C10orf90: variants seen among roughly 807,000 people sequenced by gnomAD.
The protein encoded by C10orf90 is (E2-independent) E3 ubiquitin-conjugating enzyme FATS.
Under a neutral mutation model 62.5 loss-of-function variants are expected in C10orf90, and 56 were observed. The ratio of observed to expected loss-of-function variants is 0.90; its 90% confidence interval spans 0.72 to 1.12. C10orf90 has a LOEUF of 1.12. C10orf90 is among the 50% of genes most tolerant of loss of function. C10orf90 has a pLI of 0.00. For synonymous variants in C10orf90, 386 were observed against 340.4 expected, an observed-to-expected ratio of 1.13 and a Z score of -1.47; for missense variants, 970 against 880.4, an observed-to-expected ratio of 1.10 and a Z score of -1.29.
At chr10:126,447,336 T>C (rs1232342842) in intron 7 of C10orf90, among the ~76,000 whole-genome samples, 2 of 150,946 alleles carry the variant, frequency 1.3e-5, no homozygotes, top group Admixed American at 6.6e-5. Context: ...AGTGAAGGGA[T>C]AGAAAGGATA....
At chr10:126,565,320 ATTATATATTTATAT>A (rs1844342957) in intron 2 of C10orf90, among the ~76,000 whole-genome samples, 1 of 59,504 alleles carries the variant, frequency 1.7e-5, no homozygotes, top group Non-Finnish European at 2.8e-5. Context: ...TATTATATAT[ATTATATATTTATAT>A]TATATATAAT....
chr10:126,494,647 G>A (rs903552620), intron 4 of C10orf90, among the ~76,000 whole-genome samples: 1 of 152,174 alleles, frequency 6.6e-6, no homozygotes, highest in Non-Finnish European at 1.5e-5. Context: ...GCCATGATGC[G>A]GTCCTTGCAT....
At chr10:126,462,271 A>G (rs771623844) in intron 5 of C10orf90, among the ~76,000 whole-genome samples, 2 of 152,018 alleles carry the variant, frequency 1.3e-5, no homozygotes, top group Non-Finnish European at 2.9e-5. Flanking sequence ...CACCCCTCCC[A>G]TATGAGCCCC....
intron 2 of C10orf90, among the ~76,000 whole-genome samples, chr10:126,595,645 T>G (rs1251193497): frequency 6.6e-6 from 1 of 152,116 alleles, no homozygotes; most frequent in Admixed American, 6.5e-5. Flanking sequence ...AACTACAACC[T>G]TCTCTGGGCC....
At chr10:126,638,519 C>T (rs1845998063) in intron 2 of C10orf90, among the ~76,000 whole-genome samples, 2 of 152,084 alleles carry the variant, frequency 1.3e-5, no homozygotes, top group Non-Finnish European at 2.9e-5. Context: ...CCCTGGGTCC[C>T]AGCTGGTCTC....
In C10orf90 at chr10:126,504,746, G is replaced by A. The variant is rs369514443; in HGVS notation, c.745C>T (p.Arg249Cys). 1.3e-5 allele frequency: 21 copies of A among 1,593,710 alleles called. No individual in the cohort carries two copies. Among genetic ancestry groups the A allele is most frequent in the Non-Finnish European group, 1.4e-5 (16 of 1,169,292 alleles). ...ITARRVGPPA[R>C]ALVWGTAGDS... ...CCAGCAGTCCCCCACACCAGGGCGCGGGCTGGGGGGCCCACGCGTCTGGCC... is the reference window on the plus strand; with the variant it reads ...CCAGCAGTCCCCCACACCAGGGCGCAGGCTGGGGGGCCCACGCGTCTGGCC... Residue 249 changes from arginine (R) to cysteine (C), a missense_variant, in exon 4 of 10, where the codon CGC becomes TGC. Arg to Cys is a radical substitution (Grantham distance 180). Transcript: ENST00000488181. The surrounding 1 kb of genome is among the most constrained non-coding windows in gnomAD (Gnocchi z 4.1).
intron 2 of C10orf90, among the ~76,000 whole-genome samples, chr10:126,581,626 C>T (rs912939994): frequency 6.6e-6 from 1 of 152,180 alleles, no homozygotes; most frequent in Non-Finnish European, 1.5e-5. Flanking sequence ...ATGTCTGGAG[C>T]CAAGCTGAAC....
rs80223609 is a variant in C10orf90, at chr10:126,637,478, T to C, written c.313+9087A>G. Among the ~76,000 whole-genome samples, 1,040 of 152,348 alleles carry C rather than the reference T, an allele frequency of 6.8e-3. 15 individuals carry two copies. The highest frequency in any genetic ancestry group is 0.024 in the African/African-American group (979 of 41,586). On this transcript the variant is annotated intron_variant, in intron 2 of 9. Transcript: ENST00000488181. ...AGACAGGCCCCTGCTCTTGCGGAGC[T>C]TGTGGTTTGGATGGAGGAGCAAGTA...
At chr10:126,610,528 A>T (rs1433371695) in intron 2 of C10orf90, among the ~76,000 whole-genome samples, 1 of 152,230 alleles carries the variant, frequency 6.6e-6, no homozygotes, top group Admixed American at 6.5e-5. Context: ...CCAATGCCTC[A>T]GATGCAGATA....
intron 2 of C10orf90, among the ~76,000 whole-genome samples, chr10:126,535,952 G>A (rs1279819701): frequency 6.6e-6 from 1 of 152,200 alleles, no homozygotes; most frequent in Non-Finnish European, 1.5e-5. Flanking sequence ...TTACGGGGCA[G>A]GTGGAGCAGA....
At position 126,544,812 on chromosome 10, in the gene C10orf90, A is replaced by G. The variant is rs1304827477; in HGVS notation, c.314-30873T>C. 2.7e-5 allele frequency among the ~76,000 whole-genome samples: 4 copies of G among 145,612 alleles called. No individual in the cohort carries two copies. The East Asian group carries it at 8.3e-4, about 30-fold the overall frequency. ...TGGTGTAATGCCCCTGCCTTGCCCT[A>G]TCAATCCTGCCCATTTGTACTGCCA... On this transcript the variant is annotated intron_variant, in intron 2 of 9. Transcript: ENST00000488181.
chr10:126,573,343 C>T (rs531037584), intron 2 of C10orf90, among the ~76,000 whole-genome samples: 4 of 152,292 alleles, frequency 2.6e-5, no homozygotes, highest in South Asian at 2.1e-4. Context: ...GGTCAGGGCT[C>T]GATCTTTAAC....
At chr10:126,588,640 A>G (rs1053958365) in intron 2 of C10orf90, among the ~76,000 whole-genome samples, 1 of 152,170 alleles carries the variant, frequency 6.6e-6, no homozygotes, top group African/African-American at 2.4e-5. Context: ...AAACAAAACA[A>G]AAAACAGAAA....
At chr10:126,585,682 G>A (rs548262451) in intron 2 of C10orf90, among the ~76,000 whole-genome samples, 21 of 152,244 alleles carry the variant, frequency 1.4e-4, no homozygotes, top group African/African-American at 4.1e-4. Flanking sequence ...AGAATAGAGA[G>A]CATTCCACTG....
intron 3 of C10orf90, among the ~76,000 whole-genome samples, chr10:126,505,819 T>C (rs917003370): frequency 6.6e-6 from 1 of 152,116 alleles, no homozygotes; most frequent in African/African-American, 2.4e-5. Flanking sequence ...CCAGGCATGG[T>C]GGCACATGCC....
At chr10:126,513,779 G>C in intron 3 of C10orf90, 69 bp downstream of exon 3, 1 of 943,464 alleles carries the variant, frequency 1.1e-6, no homozygotes, top group South Asian at 1.4e-5. Context: ...ATCACAAGTA[G>C]GTCAGTGATT....
chr10:126,627,598 T>G (rs1845771969), intron 2 of C10orf90, among the ~76,000 whole-genome samples: 1 of 151,958 alleles, frequency 6.6e-6, no homozygotes, highest in African/African-American at 2.4e-5. Context: ...GAAAGGGAGA[T>G]TTGCTGTTAG....
chr10:126,497,925 T>C (rs912449963), intron 4 of C10orf90, among the ~76,000 whole-genome samples: 3 of 152,238 alleles, frequency 2.0e-5, no homozygotes, highest in African/African-American at 7.2e-5. Flanking sequence ...GGGGCTGAGT[T>C]CTTGTCCATT....
intron 2 of C10orf90, among the ~76,000 whole-genome samples, chr10:126,536,713 G>A (rs1864247017): frequency 6.6e-6 from 1 of 152,180 alleles, no homozygotes; most frequent in Admixed American, 6.5e-5. Context: ...AATTGTTCTT[G>A]AATTCATTTG....
Sources: gnomAD v4.1 joint callset for allele counts (sites outside exome capture counted in the v4.1 genomes callset) on GRCh38, gnomAD v4.1.1 for gene constraint, Gnocchi (gnomAD v3.1) non-coding constraint, MANE v1.5 for transcripts, NCBI Gene and HGNC (gene_info 2026-07-23, HGNC 2026-07-21) for gene names.